Variants in ZNF717 observed in about 807,000 individuals in gnomAD.
ZNF717 encodes zinc finger protein 717, also known as krueppel-like factor X17.
ZNF717 carries 9 observed loss-of-function variants against 13.8 expected under a neutral mutation model. The observed-to-expected ratio is 0.65, with a 90% CI of 0.39 to 1.14. The LOEUF is 1.14. ZNF717 is among the 50% of genes most tolerant of loss of function. The probability of loss-of-function intolerance (pLI) is 0.01; values close to 1 mark genes in which losing one functional copy is unlikely to be tolerated. For synonymous variants in ZNF717, 327 were observed against 364.1 expected (o/e 0.90, Z 1.16); for missense variants, 1,040 against 1,080.7 (o/e 0.96, Z 0.53).
chr3:75,749,887 C>T (rs55953370), intron 2 of ZNF717, among the ~76,000 whole-genome samples: 6,722 of 151,830 alleles, frequency 0.044, 458 homozygotes, highest in African/African-American at 0.15. Flanking sequence ...TTGTCCCTCA[C>T]ATAGGATTCC....
intron 2 of ZNF717, among the ~76,000 whole-genome samples, chr3:75,777,405 T>C (rs1311111494): frequency 1.4e-5 from 2 of 147,408 alleles, no homozygotes; most frequent in Non-Finnish European, 3.0e-5. Flanking sequence ...AGTGATGTGC[T>C]AAAACCGGAA....
chr3:75,761,949 G>A (rs1198945245), intron 2 of ZNF717, among the ~76,000 whole-genome samples: 1 of 152,220 alleles, frequency 6.6e-6, no homozygotes, highest in Non-Finnish European at 1.5e-5. Flanking sequence ...AGCTGCTTGG[G>A]AGGCTGAGGC....
At chr3:75,774,259 A>G (rs997761860) in intron 2 of ZNF717, among the ~76,000 whole-genome samples, 11 of 151,964 alleles carry the variant, frequency 7.2e-5, no homozygotes, top group Non-Finnish European at 1.5e-4. Context: ...ATCAATGAGT[A>G]AAGATTTTTG....
chr3:75,699,508 T>C (rs1425014411), intron 6 of ZNF717, among the ~76,000 whole-genome samples: 21 of 151,890 alleles, frequency 1.4e-4, no homozygotes, highest in Admixed American at 3.3e-4. Flanking sequence ...CCCACAATAG[T>C]TAGCTTTCAT....
intron 2 of ZNF717, among the ~76,000 whole-genome samples, chr3:75,772,437 T>C (rs6787254): frequency 0.26 from 39,860 of 151,848 alleles, 5,724 homozygotes; most frequent in African/African-American, 0.39. Context: ...GAACCCAGAC[T>C]TAGGAGCTCC....
intron 2 of ZNF717, among the ~76,000 whole-genome samples, chr3:75,749,006 T>A (rs1941431035): frequency 6.6e-6 from 1 of 151,814 alleles, no homozygotes; most frequent in South Asian, 2.1e-4. Flanking sequence ...ACTGCTGCTG[T>A]GGTCTGCTTG....
At chr3:75,749,428 C>T (rs1319430920) in intron 2 of ZNF717, among the ~76,000 whole-genome samples, 1 of 150,864 alleles carries the variant, frequency 6.6e-6, no homozygotes, top group African/African-American at 2.4e-5. Flanking sequence ...CAACAACACT[C>T]CTGCTGTGGT....
At chr3:75,695,962 A>G (rs1575756290) in intron 6 of ZNF717, among the ~76,000 whole-genome samples, 1 of 152,388 alleles carries the variant, frequency 6.6e-6, no homozygotes, top group Non-Finnish European at 1.5e-5. Context: ...AAGAAATAAT[A>G]AAGATTAGAG....
At chr3:75,759,507 C>G (rs13100082) in intron 2 of ZNF717, among the ~76,000 whole-genome samples, 1,601 of 152,258 alleles carry the variant, frequency 0.011, 5 homozygotes, top group Non-Finnish European at 0.017. Context: ...GATCTCCTGA[C>G]ATGATCTGCC....
chr3:75,714,690 A>G (rs1341220949), intron 5 of ZNF717, among the ~76,000 whole-genome samples: 1 of 152,168 alleles, frequency 6.6e-6, no homozygotes, highest in Non-Finnish European at 1.5e-5. Flanking sequence ...AAACCCAGGT[A>G]AAATGTACAC....
chr3:75,728,489 C>T (rs1229264159), downstream of ZNF717, among the ~76,000 whole-genome samples: 3 of 152,120 alleles, frequency 2.0e-5, no homozygotes, highest in African/African-American at 4.8e-5. Flanking sequence ...GCTCTGTGTC[C>T]CCACCCAAAT....
chr3:75,706,208 T>A (rs1937800104), downstream of ZNF717, among the ~76,000 whole-genome samples: 1 of 152,428 alleles, frequency 6.6e-6, no homozygotes, highest in South Asian at 2.1e-4. Context: ...GATGAAAACC[T>A]AGCATTATTA....
intron 4 of ZNF717, among the ~76,000 whole-genome samples, chr3:75,724,554 G>A (rs1254413890): frequency 1.3e-5 from 2 of 152,180 alleles, no homozygotes; most frequent in African/African-American, 4.8e-5. Flanking sequence ...AGTGCTCTAT[G>A]AGTTCTTACC....
chr3:75,745,151 CTGT>C (rs1400517078), intron 2 of ZNF717, among the ~76,000 whole-genome samples: 10 of 75,152 alleles, frequency 1.3e-4, no homozygotes, highest in Admixed American at 2.8e-4. Flanking sequence ...CTGCTGTGGT[CTGT>C]TGTTTTTTTT....
rs1345868979 is a variant in ZNF717, at chr3:75,737,809, T to G, written c.1814A>C (p.Asn605Thr). The G allele has an allele frequency of 1.3e-6, 2 of 1,551,370 alleles. No individual in the cohort carries two copies. ...GTGAGTTCTCTTGTGTATCCCAAGG[T>G]TTAACTTATTGATAAAGGTTTTCTC... The part of the protein sequence containing the change: ...ECEKTFINKL[N>T]LGIHKRTHTG... Residue 605 changes from asparagine (N) to threonine (T), a missense_variant, in exon 5 of 5, where the codon AAC becomes ACC. By Grantham distance (65) the Asn-to-Thr change is moderately conservative (BLOSUM62 0). This residue lies in a region of ZNF717 where 873 missense variants were observed against 832.8 expected (regional missense o/e 1.05). Transcript: ENST00000652011.
intron 2 of ZNF717, among the ~76,000 whole-genome samples, chr3:75,757,210 G>T (rs1942575030): frequency 6.6e-6 from 1 of 152,250 alleles, no homozygotes; most frequent in Non-Finnish European, 1.5e-5. Flanking sequence ...CCTTCTGTTA[G>T]AAGGAGATGC....
intron 2 of ZNF717, among the ~76,000 whole-genome samples, chr3:75,778,200 G>A (rs1340008905): frequency 6.6e-6 from 1 of 151,814 alleles, no homozygotes; most frequent in Non-Finnish European, 1.5e-5. Flanking sequence ...AAAACAATGG[G>A]AGTGACGTGC....
chr3:75,782,286 G>GGCT (rs1280016236), intron 2 of ZNF717, among the ~76,000 whole-genome samples: 1 of 152,198 alleles, frequency 6.6e-6, no homozygotes, highest in African/African-American at 2.4e-5. Context: ...ACTTTGAACA[G>GGCT]GCTGCTGCAC....
chr3:75,734,021 G>T (rs1378711134), downstream of ZNF717, among the ~76,000 whole-genome samples: 1 of 125,660 alleles, frequency 8.0e-6, no homozygotes, highest in Non-Finnish European at 1.8e-5. Context: ...ACATTATCTA[G>T]AGGAAAAAAA....
Sources: allele counts gnomAD v4.1 joint callset (sites outside exome capture counted in the v4.1 genomes callset), GRCh38; gene constraint gnomAD v4.1.1; regional missense constraint gnomAD v4.1.1; transcripts MANE v1.5; gene names NCBI Gene and HGNC (gene_info 2026-07-23, HGNC 2026-07-21).